Variants in LRRC4C observed in about 807,000 individuals in gnomAD.
The protein encoded by LRRC4C is leucine rich repeat containing 4C, also known as leucine-rich repeat-containing protein 4C.
In LRRC4C, 5 loss-of-function variants were observed where a neutral mutation model predicts 33.6. The observed-to-expected ratio is 0.15, with a 90% CI of 0.08 to 0.31. The LOEUF (loss-of-function observed/expected upper bound fraction) is 0.31, where lower values mean the gene tolerates loss of function less well. LRRC4C is among the 10% of genes least tolerant of loss of function. The pLI is 1.00. For synonymous variants in LRRC4C, 329 were observed against 302.0 expected (o/e 1.09, Z -0.93); for missense variants, 560 against 796.7 (o/e 0.70, Z 3.58).
At chr11:40,694,304 G>A (rs1310370474) in intron 2 of LRRC4C, among the ~76,000 whole-genome samples, 1 of 152,094 alleles carries the variant, frequency 6.6e-6, no homozygotes, top group Non-Finnish European at 1.5e-5. Flanking sequence ...GGACAGCATT[G>A]GAGAAAATAA....
chr11:40,793,818 A>ATAAATCATTTTCAACTTCTT (rs1950718763), intron 2 of LRRC4C, among the ~76,000 whole-genome samples: 1 of 152,188 alleles, frequency 6.6e-6, no homozygotes, highest in African/African-American at 2.4e-5. Context: ...TTGTGCTTTT[A>ATAAATCATTTTCAACTTCTT]TGTACTTATC....
intron 1 of LRRC4C, among the ~76,000 whole-genome samples, chr11:40,961,136 T>A (rs1282565097): frequency 1.3e-5 from 2 of 151,656 alleles, no homozygotes; most frequent in Middle Eastern, 3.2e-3. Context: ...TTGGAAAAGG[T>A]TCAGCTGTAT....
At chr11:40,309,671 A>G (rs1225054378) in intron 4 of LRRC4C, among the ~76,000 whole-genome samples, 1 of 151,928 alleles carries the variant, frequency 6.6e-6, no homozygotes, top group East Asian at 1.9e-4. Context: ...ACGCCCAGCT[A>G]ATTTTTTGTA....
chr11:40,247,534 C>A (rs1180984656), intron 4 of LRRC4C, among the ~76,000 whole-genome samples: 1 of 152,142 alleles, frequency 6.6e-6, no homozygotes, highest in Non-Finnish European at 1.5e-5. Flanking sequence ...AAAATGGAAG[C>A]AAAATGAGAT....
At chr11:41,385,753 G>T (rs977829459) in intron 1 of LRRC4C, among the ~76,000 whole-genome samples, 1 of 151,380 alleles carries the variant, frequency 6.6e-6, no homozygotes, top group African/African-American at 2.4e-5. Context: ...GAAAGGAAAA[G>T]AAACTAATCA....
At chr11:41,231,981 C>T (rs1486476476) in intron 1 of LRRC4C, among the ~76,000 whole-genome samples, 1 of 151,774 alleles carries the variant, frequency 6.6e-6, no homozygotes, top group East Asian at 1.9e-4. Context: ...CTGGTCTAGA[C>T]TTATTTTTCA....
chr11:40,836,290 T>C lies in LRRC4C; in HGVS notation c.-407+97345A>G, dbSNP rs150219199. ...AGAAAGGATTCCATCTCATTCCCCATGAAGAGCAAAACTTTGTGAGAGCTG... is the reference window on the plus strand; with the variant it reads ...AGAAAGGATTCCATCTCATTCCCCACGAAGAGCAAAACTTTGTGAGAGCTG... On this transcript the variant is annotated intron_variant, in intron 2 of 6. Coordinates refer to ENST00000528697, the MANE Select transcript of LRRC4C (RefSeq NM_001258419.2). Among the ~76,000 whole-genome samples, 5 of 152,268 alleles carry C rather than the reference T, an allele frequency of 3.3e-5. No homozygotes were observed. In the East Asian group the frequency reaches 9.7e-4, roughly 29 times the overall value.
chr11:40,577,202 A>C (rs2135600408), intron 3 of LRRC4C, among the ~76,000 whole-genome samples: 1 of 152,314 alleles, frequency 6.6e-6, no homozygotes, highest in East Asian at 1.9e-4. Flanking sequence ...ACCCAAAATT[A>C]ATACTTCTAA....
intron 3 of LRRC4C, among the ~76,000 whole-genome samples, chr11:40,599,654 G>A (rs1959771165): frequency 6.6e-6 from 1 of 152,026 alleles, no homozygotes; most frequent in African/African-American, 2.4e-5. Context: ...CTTTTTCACA[G>A]GGCTATACCA....
chr11:41,159,521 CA>C (rs1944375852), intron 1 of LRRC4C, among the ~76,000 whole-genome samples: 2 of 151,936 alleles, frequency 1.3e-5, no homozygotes, highest in African/African-American at 2.4e-5. Context: ...AAACAATGAG[CA>C]GACAGATTTT....
intron 1 of LRRC4C, among the ~76,000 whole-genome samples, chr11:41,446,755 T>A (rs1024087549): frequency 2.0e-5 from 3 of 152,166 alleles, no homozygotes; most frequent in African/African-American, 7.2e-5. Flanking sequence ...AGAATGCACA[T>A]ACCAGGATAT....
intron 3 of LRRC4C, among the ~76,000 whole-genome samples, chr11:40,524,629 T>C (rs538713097): frequency 6.6e-6 from 1 of 152,332 alleles, no homozygotes; most frequent in Non-Finnish European, 1.5e-5. Flanking sequence ...CTGAAATGGA[T>C]AGAGGCTGAG....
intron 1 of LRRC4C, among the ~76,000 whole-genome samples, chr11:41,380,175 G>A (rs367564271): frequency 4.6e-5 from 7 of 152,108 alleles, no homozygotes; most frequent in Admixed American, 6.6e-5. Flanking sequence ...TTTGAGCCCC[G>A]TGAACAGGGA....
At chr11:40,370,947 T>C (rs73458298) in intron 3 of LRRC4C, among the ~76,000 whole-genome samples, 1,525 of 152,266 alleles carry the variant, frequency 0.01, 10 homozygotes, top group Non-Finnish European at 0.013. Flanking sequence ...CAGCAAATCA[T>C]TTGTAAAGTT....
intron 5 of LRRC4C, among the ~76,000 whole-genome samples, chr11:40,191,408 C>T (rs1861832082): frequency 6.6e-6 from 1 of 152,158 alleles, no homozygotes; most frequent in South Asian, 2.1e-4. Flanking sequence ...AATAATATAA[C>T]TTCTTTGTGC....
chr11:40,931,399 C>T (rs1044572183), intron 2 of LRRC4C, among the ~76,000 whole-genome samples: 4 of 152,034 alleles, frequency 2.6e-5, no homozygotes, highest in African/African-American at 9.7e-5. Flanking sequence ...TTTTTAGACA[C>T]GTGTGCATGC....
At chr11:40,950,357 A>G (rs1478396827) in intron 1 of LRRC4C, among the ~76,000 whole-genome samples, 2 of 152,152 alleles carry the variant, frequency 1.3e-5, no homozygotes, top group African/African-American at 2.4e-5. Flanking sequence ...CTCTGCTATT[A>G]GAAAACCCTT....
chr11:41,319,866 T>G (rs529787171), intron 1 of LRRC4C, among the ~76,000 whole-genome samples: 1 of 152,202 alleles, frequency 6.6e-6, no homozygotes, highest in East Asian at 1.9e-4. Context: ...CAACTAAGTT[T>G]TGATTTGGGA....
Position 41,147,196 on chromosome 11 carries a change from T to C in LRRC4C, c.-495-213473A>G, listed in dbSNP as rs1943765198. Among the ~76,000 whole-genome samples, 4 of 152,316 alleles carry C rather than the reference T, an allele frequency of 2.6e-5. No individual in the cohort carries two copies. In the South Asian group the frequency reaches 8.3e-4, roughly 32 times the overall value. ...AAATGATTCCCTTCTGAGTTGAGTG[T>C]TAACTATGACTTCCAGAGCACACAG... On this transcript the variant is annotated intron_variant, in intron 1 of 6. Transcript: ENST00000528697.
Sources: allele counts gnomAD v4.1 joint callset (sites outside exome capture counted in the v4.1 genomes callset), GRCh38; gene constraint gnomAD v4.1.1; transcripts MANE v1.5; gene names NCBI Gene and HGNC (gene_info 2026-07-23, HGNC 2026-07-21).